ZFAT: variants seen among roughly 807,000 people sequenced by gnomAD.
The protein encoded by ZFAT is zinc finger protein ZFAT.
Under a neutral mutation model 117.7 loss-of-function variants are expected in ZFAT, and 64 were observed. The ratio of observed to expected loss-of-function variants is 0.54; its 90% CI spans 0.44 to 0.67. The LOEUF is 0.67. ZFAT is among the 30% of genes least tolerant of loss of function. The pLI, the probability that ZFAT is intolerant of heterozygous loss-of-function variation, is 0.00. For missense variants in ZFAT, 1,433 were observed against 1,584.5 expected (o/e 0.90, Z 1.62); for synonymous variants, 679 against 615.0 (o/e 1.10, Z -1.54).
At chr8:134,591,558 G>A (rs1456082558) in intron 7 of ZFAT, among the ~76,000 whole-genome samples, 1 of 152,184 alleles carries the variant, frequency 6.6e-6, no homozygotes, top group African/African-American at 2.4e-5. Flanking sequence ...TCATATGTTG[G>A]AGTCCTAACC....
intron 1 of ZFAT, among the ~76,000 whole-genome samples, chr8:134,679,677 G>A (rs936077050): frequency 6.6e-6 from 1 of 152,054 alleles, no homozygotes; most frequent in Non-Finnish European, 1.5e-5. Flanking sequence ...GCAAAGACTT[G>A]GAACCAACCC....
At chr8:134,581,509 G>A (rs1223004176) in intron 10 of ZFAT, among the ~76,000 whole-genome samples, 1 of 152,180 alleles carries the variant, frequency 6.6e-6, no homozygotes, top group Non-Finnish European at 1.5e-5. Context: ...CCAAGTAGTG[G>A]AAAAAGTTGG....
In ZFAT at chr8:134,509,744, G is replaced by C. The variant is rs200421725; in HGVS notation, c.3367C>G (p.Arg1123Gly). The part of the protein sequence containing the change: ...DLRYTSESGD[R>G]LDPTAVNILQ... ...ATGTTCACGGCCGTGGGGTCCAGTC[G>C]GTCGCCTTAAGAGGAAGAAGCAAAG... The change falls in exon 15 of 16, where the codon CGA becomes GGA. Residue 1123 changes from arginine to glycine, a missense_variant. Physicochemically the swap from Arg to Gly is moderately radical, Grantham distance 125. Around this residue, in one of 5 missense-constraint regions of ZFAT, gnomAD observed 503 missense variants for 543.4 expected, o/e 0.93. Transcript: ENST00000377838. 6 of 1,602,358 alleles carry C rather than the reference G, an allele frequency of 3.7e-6. No homozygotes were observed. Among genetic ancestry groups the C allele is most frequent in the South Asian group, 2.2e-5 (2 of 90,236 alleles).
At chr8:134,691,227 T>C (rs2131329118) in intron 1 of ZFAT, among the ~76,000 whole-genome samples, 1 of 152,398 alleles carries the variant, frequency 6.6e-6, no homozygotes, top group Non-Finnish European at 1.5e-5. Context: ...AGGGTGACCC[T>C]GGCAAGGCCA....
chr8:134,646,919 A>G (rs1301653248), intron 2 of ZFAT, among the ~76,000 whole-genome samples: 1 of 152,204 alleles, frequency 6.6e-6, no homozygotes, highest in Non-Finnish European at 1.5e-5. Context: ...ATCTCCCAAC[A>G]AAGAAAAGCC....
intron 1 of ZFAT, among the ~76,000 whole-genome samples, chr8:134,690,840 C>T (rs1244477853): frequency 6.6e-6 from 1 of 152,188 alleles, no homozygotes; most frequent in Non-Finnish European, 1.5e-5. Flanking sequence ...AATTTATGTG[C>T]ATTGGCCTCA....
the ZFAT span, among the ~76,000 whole-genome samples, chr8:134,731,387 T>C: frequency 6.6e-6 from 1 of 152,262 alleles, no homozygotes; most frequent in African/African-American, 2.4e-5. Flanking sequence ...TGTTAGTATA[T>C]TCACACAATG....
intron 1 of ZFAT, among the ~76,000 whole-genome samples, chr8:134,677,718 G>A (rs562647085): frequency 2.0e-4 from 30 of 152,278 alleles, no homozygotes; most frequent in Non-Finnish European, 3.1e-4. Context: ...CTGGCAAACC[G>A]AATCCAGCAG....
intron 15 of ZFAT, among the ~76,000 whole-genome samples, chr8:134,496,720 A>T (rs1331314375): frequency 6.6e-6 from 1 of 152,192 alleles, no homozygotes. Context: ...TGGGGGGAAA[A>T]GCCATGTGTA....
intron 1 of ZFAT, among the ~76,000 whole-genome samples, chr8:134,682,163 A>T (rs1833101699): frequency 6.6e-6 from 1 of 152,246 alleles, no homozygotes; most frequent in Admixed American, 6.5e-5. Flanking sequence ...GGCTCATACG[A>T]GGCTTATTTA....
At chr8:134,794,743 T>C in the ZFAT span, 1 of 152,256 alleles carries the variant, frequency 6.6e-6, no homozygotes, top group Non-Finnish European at 1.5e-5. Flanking sequence ...GTTCTTATAA[T>C]GCAGTTTTAA....
At position 134,693,706 on chromosome 8, in the gene ZFAT, T is replaced by C. The variant is rs534360748; in HGVS notation, c.19+19139A>G. On this transcript the variant is annotated intron_variant, in intron 1 of 15. Coordinates refer to ENST00000377838, the MANE Select transcript of ZFAT (RefSeq NM_020863.4). ...ACCCATCACGTAGCAGCCATCCTGA[T>C]GCTAACCAAGTCTGGCAAGAATCAT... Among the ~76,000 whole-genome samples the C allele has an allele frequency of 2.6e-4, 40 of 152,300 alleles. No homozygotes were observed. The South Asian group carries it at 6.4e-3, about 24-fold the overall frequency.
At chr8:134,584,301 T>A (rs1434450952) in intron 9 of ZFAT, among the ~76,000 whole-genome samples, 1 of 152,100 alleles carries the variant, frequency 6.6e-6, no homozygotes, top group African/African-American at 2.4e-5. Flanking sequence ...TGCCTCCCTA[T>A]CAATGTTCCC....
At chr8:134,571,555 TATGAAAC>T in intron 10 of ZFAT, among the ~76,000 whole-genome samples, 1 of 151,768 alleles carries the variant, frequency 6.6e-6, no homozygotes, top group East Asian at 2.0e-4. Context: ...AATGTATGAC[TATGAAAC>T]ACCAAGACCC....
chr8:134,711,378 G>A lies in ZFAT; in HGVS notation c.19+1467C>T, dbSNP rs192629696. On this transcript the variant is annotated intron_variant, in intron 1 of 15. Transcript: ENST00000377838. ...AGACTTTGGAGCATTTCCGATTTCG[G>A]ATTTTTGGATTAGGGATGCTCAACC... Among the ~76,000 whole-genome samples the A allele has an allele frequency of 3.9e-3, 598 of 152,326 alleles. 1 individual carries two copies. Among genetic ancestry groups the A allele is most frequent in the Non-Finnish European group, 6.5e-3 (439 of 68,036 alleles).
At chr8:134,605,921 C>T (rs1234933493) in intron 5 of ZFAT, among the ~76,000 whole-genome samples, 1 of 152,178 alleles carries the variant, frequency 6.6e-6, no homozygotes, top group Non-Finnish European at 1.5e-5. Flanking sequence ...GACCATCAGG[C>T]TCCCTGTGAG....
intron 12 of ZFAT, among the ~76,000 whole-genome samples, chr8:134,524,945 C>G (rs975962593): frequency 6.6e-6 from 1 of 152,210 alleles, no homozygotes; most frequent in African/African-American, 2.4e-5. Flanking sequence ...TTCTTCACAA[C>G]AGCGCAATGA....
chr8:134,706,069 A>C (rs1233674410), intron 1 of ZFAT, among the ~76,000 whole-genome samples: 1 of 152,230 alleles, frequency 6.6e-6, no homozygotes, highest in African/African-American at 2.4e-5. Context: ...ATGGGAATGT[A>C]AAATGATACA....
chr8:134,563,909 A>C (rs1446632255), intron 11 of ZFAT, among the ~76,000 whole-genome samples: 1 of 152,142 alleles, frequency 6.6e-6, no homozygotes, highest in Non-Finnish European at 1.5e-5. Flanking sequence ...CTTGAACCAG[A>C]ACTGAAGCCT....
Sources: gnomAD v4.1 joint callset for allele counts (sites outside exome capture counted in the v4.1 genomes callset) on GRCh38, gnomAD v4.1.1 for gene constraint, gnomAD v4.1.1 regional missense constraint, MANE v1.5 for transcripts, NCBI Gene and HGNC (gene_info 2026-07-23, HGNC 2026-07-21) for gene names.